The following CPQ variants were observed in gnomAD, a reference collection of about 807,000 sequenced individuals.
The protein encoded by CPQ is carboxypeptidase Q, also known as Ser-Met dipeptidase.
Under a neutral mutation model 45.7 loss-of-function variants are expected in CPQ, and 37 were observed. That is an observed-to-expected ratio of 0.81 (90% CI 0.62 to 1.07). The LOEUF is 1.07. CPQ is among the 50% of genes least tolerant of loss of function. The pLI is 0.00. For missense variants in CPQ, 537 were observed against 572.9 expected, an observed-to-expected ratio of 0.94 and a Z score of 0.64; for synonymous variants, 186 against 205.8, an observed-to-expected ratio of 0.90 and a Z score of 0.82.
intron 2 of CPQ, among the ~76,000 whole-genome samples, chr8:96,795,828 T>G (rs555315125): frequency 1.3e-5 from 2 of 152,170 alleles, no homozygotes; most frequent in South Asian, 4.1e-4. Context: ...AAAGGAGGAA[T>G]CATTGGTATA....
intron 2 of CPQ, among the ~76,000 whole-genome samples, chr8:96,788,163 C>CTT (rs546288408): frequency 2.1e-5 from 3 of 140,254 alleles, no homozygotes; most frequent in African/African-American, 5.2e-5. Context: ...TTCTTTCTTC[C>CTT]TTTTTTTTTT....
intron 2 of CPQ, among the ~76,000 whole-genome samples, chr8:96,798,391 G>A (rs914721221): frequency 1.3e-5 from 2 of 152,030 alleles, no homozygotes; most frequent in Non-Finnish European, 2.9e-5. Flanking sequence ...TCCTGACTTG[G>A]CCTCTCAAAG....
chr8:97,103,335 C>T lies in CPQ; in HGVS notation c.1255+37125C>T, dbSNP rs191126886. On this transcript the variant is annotated intron_variant, in intron 7 of 7. Transcript: ENST00000220763. ...GACAGTCTGCTTCATAGTGCTATAACGCAGAGTGGTGACTGTGAACCTTGA... is the reference window on the plus strand; with the variant it reads ...GACAGTCTGCTTCATAGTGCTATAATGCAGAGTGGTGACTGTGAACCTTGA... Among the ~76,000 whole-genome samples, 6 of 152,302 alleles carry T rather than the reference C, an allele frequency of 3.9e-5. No individual in the cohort carries two copies. The East Asian group carries it at 1.2e-3, about 29-fold the overall frequency.
intron 4 of CPQ, among the ~76,000 whole-genome samples, chr8:96,892,279 A>G (rs983829534): frequency 4.6e-5 from 7 of 152,240 alleles, no homozygotes; most frequent in Non-Finnish European, 5.9e-5. Flanking sequence ...AACTCATTCC[A>G]TACATAACTG....
rs922951446 is a variant in CPQ at position 96,805,725 on chromosome 8, G to C, written c.433+20395G>C. ...TCAGACTTTCACCCCACTGTAACTT[G>C]TCCCTAGTGGAAATTTTTCCATTAG... is the stretch of plus-strand genomic sequence containing the variant. On this transcript the variant is annotated intron_variant, in intron 2 of 7. Coordinates refer to ENST00000220763, the MANE Select transcript of CPQ (RefSeq NM_016134.4). Among the ~76,000 whole-genome samples, 15 of 151,932 alleles carry C rather than the reference G, an allele frequency of 9.9e-5. 1 individual carries two copies. Among genetic ancestry groups the C allele is most frequent in the Admixed American group, 7.9e-4 (12 of 15,244 alleles).
At chr8:96,988,519 T>A (rs891648288) in intron 5 of CPQ, among the ~76,000 whole-genome samples, 2 of 152,192 alleles carry the variant, frequency 1.3e-5, no homozygotes, top group Non-Finnish European at 2.9e-5. Flanking sequence ...TTGGAAACCA[T>A]GAGAAACATC....
chr8:96,719,459 C>T (rs35557682), intron 1 of CPQ, among the ~76,000 whole-genome samples: 1 of 152,180 alleles, frequency 6.6e-6, no homozygotes, highest in Non-Finnish European at 1.5e-5. Flanking sequence ...TTGCCACTCG[C>T]GCCTCTCCCT....
chr8:97,059,865 C>T (rs1198914891), intron 6 of CPQ, among the ~76,000 whole-genome samples: 2 of 152,000 alleles, frequency 1.3e-5, no homozygotes, highest in Non-Finnish European at 2.9e-5. Flanking sequence ...AAATTGATTG[C>T]CCTGTGTCAG....
In CPQ at chr8:96,826,853, C is replaced by T. The variant is rs184077202; in HGVS notation, c.434-8120C>T. Among the ~76,000 whole-genome samples the T allele has an allele frequency of 1.3e-3, 203 of 152,122 alleles. 2 individuals carry two copies. The highest frequency in any genetic ancestry group is 9.8e-3 in the Admixed American group (149 of 15,248). On this transcript the variant is annotated intron_variant, in intron 2 of 7. Transcript: ENST00000220763. Reference sequence around the variant, plus strand: ...GTCCGTGTGTTTTCATTGTTCAGCTCCCACTTATAAGCGAGAACATGCAGT... The same window carrying T: ...GTCCGTGTGTTTTCATTGTTCAGCTTCCACTTATAAGCGAGAACATGCAGT...
chr8:97,127,199 G>T (rs555139161), intron 7 of CPQ, among the ~76,000 whole-genome samples: 1 of 152,204 alleles, frequency 6.6e-6, no homozygotes, highest in Middle Eastern at 3.4e-3. Flanking sequence ...CTCTTTGGAA[G>T]ATATCATTAA....
chr8:96,890,022 C>T (rs1302703541), intron 4 of CPQ, among the ~76,000 whole-genome samples: 2 of 152,284 alleles, frequency 1.3e-5, no homozygotes, highest in African/African-American at 4.8e-5. Flanking sequence ...CCCTTGTCAA[C>T]TTGAACCCAT....
At chr8:96,889,668 C>G (rs1812348022) in intron 4 of CPQ, among the ~76,000 whole-genome samples, 1 of 152,174 alleles carries the variant, frequency 6.6e-6, no homozygotes, top group African/African-American at 2.4e-5. Flanking sequence ...GACAGTGCAG[C>G]CTTCAGTCTG....
At chr8:96,997,948 C>T (rs1450885553) in intron 5 of CPQ, among the ~76,000 whole-genome samples, 1 of 151,936 alleles carries the variant, frequency 6.6e-6, no homozygotes, top group African/African-American at 2.4e-5. Context: ...CAGCATTTTT[C>T]TCTAAATATT....
intron 6 of CPQ, among the ~76,000 whole-genome samples, chr8:97,031,747 G>C (rs1342138878): frequency 1.3e-5 from 2 of 152,164 alleles, no homozygotes; most frequent in Admixed American, 6.5e-5. Flanking sequence ...CAGCATCCAG[G>C]CTGCCTCCAT....
chr8:96,751,075 T>G (rs1310877137), intron 1 of CPQ, among the ~76,000 whole-genome samples: 1 of 152,222 alleles, frequency 6.6e-6, no homozygotes, highest in African/African-American at 2.4e-5. Flanking sequence ...TTTGCTGTTG[T>G]GAATAGTGCT....
At chr8:96,998,090 T>C (rs1809206766) in intron 5 of CPQ, among the ~76,000 whole-genome samples, 1 of 151,970 alleles carries the variant, frequency 6.6e-6, no homozygotes, top group African/African-American at 2.4e-5. Context: ...CCTGAGTTGA[T>C]AGCTATCATA....
At chr8:96,799,973 G>T (rs1390753486) in intron 2 of CPQ, among the ~76,000 whole-genome samples, 2 of 152,194 alleles carry the variant, frequency 1.3e-5, no homozygotes, top group South Asian at 2.1e-4. Context: ...ACACAAACAT[G>T]ACCTAAGAAG....
intron 4 of CPQ, among the ~76,000 whole-genome samples, chr8:96,934,435 C>A (rs936412414): frequency 6.6e-6 from 1 of 152,114 alleles, no homozygotes; most frequent in African/African-American, 2.4e-5. Context: ...CCAAGTCACG[C>A]ATTAAGTATG....
chr8:96,688,699 T>C (rs1776615829), intron 1 of CPQ, among the ~76,000 whole-genome samples: 1 of 152,218 alleles, frequency 6.6e-6, no homozygotes, highest in Non-Finnish European at 1.5e-5. Flanking sequence ...TATGCCTCTT[T>C]ATATTTCAAT....
Sources: gnomAD v4.1 joint callset for allele counts (sites outside exome capture counted in the v4.1 genomes callset) on GRCh38, gnomAD v4.1.1 for gene constraint, MANE v1.5 for transcripts, NCBI Gene and HGNC (gene_info 2026-07-23, HGNC 2026-07-21) for gene names.